MAU2: variants seen among roughly 807,000 people sequenced by gnomAD.
MAU2 encodes MAU2 sister chromatid cohesion factor.
In MAU2, 9 loss-of-function variants were observed where a neutral mutation model predicts 89.1. That is an observed-to-expected ratio of 0.10 (90% CI 0.06 to 0.18). The LOEUF is 0.18. Ranked by LOEUF, MAU2 falls within the 10% of genes least tolerant of loss-of-function variation. The pLI is 1.00. For missense variants in MAU2, 425 were observed against 803.5 expected, an observed-to-expected ratio of 0.53 and a Z score of 5.69; for synonymous variants, 357 against 343.4, an observed-to-expected ratio of 1.04 and a Z score of -0.44.
intron 13 of MAU2, 42 bp from the exon 14 acceptor site, chr19:19,348,847 G>C: frequency 6.2e-7 from 1 of 1,608,546 alleles, no homozygotes; most frequent in Non-Finnish European, 8.5e-7. Context: ...CCTTTCTCCT[G>C]TGAAGATGCA....
At chr19:19,338,331 C>T (rs1446225967) in intron 4 of MAU2, among the ~76,000 whole-genome samples, 1 of 152,260 alleles carries the variant, frequency 6.6e-6, no homozygotes, top group Non-Finnish European at 1.5e-5. Context: ...TTGGCAGGCA[C>T]CATGTGCACG....
rs1383151668 is a variant in MAU2 at position 19,335,705 on chromosome 19, C to G, written c.277-13C>G. On this transcript the variant is annotated splice_polypyrimidine_tract_variant and intron_variant, in intron 1 of 18. Transcript: ENST00000262815. ...TTGCCTGAGAATTAATCGTTGTTTTCTTTCTTTTTCAGTGGTTGATATCAC... is the reference window on the plus strand; with the variant it reads ...TTGCCTGAGAATTAATCGTTGTTTTGTTTCTTTTTCAGTGGTTGATATCAC... 1.2e-6 allele frequency: 2 copies of G among 1,614,154 alleles called. No homozygotes were observed. The highest frequency in any genetic ancestry group is 1.7e-5 in the Admixed American group (1 of 60,012).
chr19:19,328,858 C>G (rs1466278703), intron 1 of MAU2, among the ~76,000 whole-genome samples: 2 of 152,156 alleles, frequency 1.3e-5, no homozygotes, highest in Non-Finnish European at 1.5e-5. Context: ...TTACTATTTT[C>G]TATAATCCAG....
rs2061682670 is a variant in MAU2 at position 19,345,126 on chromosome 19, A to G, written c.1156-178A>G. ...CAGTGAGCATCTTGTCCCACCCCACATTGGCTTGGGTCTGAAAGGTGGGGA... is the reference window on the plus strand; with the variant it reads ...CAGTGAGCATCTTGTCCCACCCCACGTTGGCTTGGGTCTGAAAGGTGGGGA... On this transcript the variant is annotated intron_variant, in intron 11 of 18. Coordinates refer to ENST00000262815, the MANE Select transcript of MAU2 (RefSeq NM_015329.4). This position sits in a 1 kb window ranked among gnomAD's most constrained non-coding sequence, Gnocchi z 4.9. 3 of 719,114 alleles carry G rather than the reference A, an allele frequency of 4.2e-6. No individual in the cohort carries two copies. The highest frequency in any genetic ancestry group is 3.4e-5 in the South Asian group (2 of 59,300). 44.5% of individuals were successfully genotyped at this position (719,114 alleles called of 1,614,324 possible).
At chr19:19,335,899 G>A (rs925860912) in intron 2 of MAU2, among the ~76,000 whole-genome samples, 164 bp downstream of exon 2, 3 of 152,090 alleles carry the variant, frequency 2.0e-5, no homozygotes, top group African/African-American at 4.8e-5. Flanking sequence ...GCCCTTGGGC[G>A]CTGTGCTCCT....
chr19:19,328,410 G>C (rs1599891858), intron 1 of MAU2, among the ~76,000 whole-genome samples: 1 of 149,808 alleles, frequency 6.7e-6, no homozygotes, highest in East Asian at 2.0e-4. Context: ...CTGCATATCC[G>C]TTTCCCCCTT....
At position 19,334,232 on chromosome 19, in the gene MAU2, C is replaced by T. The variant is rs1415227144; in HGVS notation, c.277-1486C>T. 1.3e-5 allele frequency: 13 copies of T among 985,374 alleles called. No homozygotes were observed. The South Asian group carries it at 1.9e-4, about 14-fold the overall frequency. The allele number at this position is 985,374 out of a possible 1,614,324, so 61.0% of individuals were successfully genotyped here. On this transcript the variant is annotated intron_variant, in intron 1 of 18. Transcript: ENST00000262815. ...CACTTCTGACGGCAGGTGCTGGCCC[C>T]GCCACTCTGAGGACCCCGAGCCCCT...
rs1019822192 is a variant in MAU2 at position 19,345,688 on chromosome 19, T to C, written c.1221+319T>C. ...CACCCACCCCCAAGGCTGGATTGGCTCAAGTGTCAGCTGACAACTCAGAGC... is the reference window on the plus strand; with the variant it reads ...CACCCACCCCCAAGGCTGGATTGGCCCAAGTGTCAGCTGACAACTCAGAGC... On this transcript the variant is annotated intron_variant, in intron 12 of 18. Transcript: ENST00000262815. The surrounding 1 kb of genome is among the most constrained non-coding windows in gnomAD (Gnocchi z 4.9). Among the ~76,000 whole-genome samples, 1 of 152,086 alleles carries C rather than the reference T, an allele frequency of 6.6e-6. No homozygotes were observed. Among genetic ancestry groups the C allele is most frequent in the African/African-American group, 2.4e-5 (1 of 41,402 alleles).
At chr19:19,342,717 G>GCGGGGGC (rs752469472) in intron 8 of MAU2, 36 bp downstream of exon 8, 1 of 1,613,248 alleles carries the variant, frequency 6.2e-7, no homozygotes, top group South Asian at 1.1e-5. Flanking sequence ...AGGGCTGGGG[G>GCGGGGGC]CGGGGGCAGG....
chr19:19,345,802 T>G lies in MAU2; in HGVS notation c.1221+433T>G, dbSNP rs1205291102. 1.3e-5 allele frequency among the ~76,000 whole-genome samples: 2 copies of G among 152,150 alleles called. No individual in the cohort carries two copies. The highest frequency in any genetic ancestry group is 1.3e-4 in the Admixed American group (2 of 15,284). ...GACAGAGGAGGACTCTTGGTCCTGC[T>G]GGGCCGGAGAGGGTGAAGCAGCACC... On this transcript the variant is annotated intron_variant, in intron 12 of 18. Coordinates refer to ENST00000262815, the MANE Select transcript of MAU2 (RefSeq NM_015329.4). This position sits in a 1 kb window ranked among gnomAD's most constrained non-coding sequence, Gnocchi z 4.9.
At chr19:19,354,902 C>A (rs559731575) in intron 17 of MAU2, among the ~76,000 whole-genome samples, 1 of 152,260 alleles carries the variant, frequency 6.6e-6, no homozygotes, top group South Asian at 2.1e-4. Flanking sequence ...GGGGAGGTGA[C>A]AGGAGACGGG....
chr19:19,357,537 A>T lies in MAU2; in HGVS notation c.*1755A>T, dbSNP rs2048193633. On this transcript the variant is annotated 3_prime_UTR_variant, in exon 19 of 19. Transcript: ENST00000262815. ...CCGCACTGTCCGACCCCTGCACACC[A>T]CTCATGTCACCACGGCGTGCATCAT... 1 of 152,378 alleles carries T rather than the reference A, an allele frequency of 6.6e-6. No individual in the cohort carries two copies. The highest frequency in any genetic ancestry group is 6.6e-5 in the Admixed American group (1 of 15,176). 9.4% of individuals were successfully genotyped at this position (152,378 alleles called of 1,614,324 possible).
At chr19:19,352,792 A>G (rs2061756134) in intron 16 of MAU2, 1 of 152,138 alleles carries the variant, frequency 6.6e-6, no homozygotes, top group Admixed American at 6.5e-5. Context: ...TCTTTTGGGA[A>G]TCCCCCTCTG....
chr19:19,344,122 CCAG>C (rs2061674748), intron 10 of MAU2, 182 bp downstream of exon 10: 2 of 592,398 alleles, frequency 3.4e-6, no homozygotes, highest in Non-Finnish European at 6.0e-6. Flanking sequence ...CATACAAAAA[CCAG>C]TGGAGGCCGG....
intron 6 of MAU2, 78 bp downstream of exon 6, chr19:19,340,951 C>T: frequency 6.3e-7 from 1 of 1,575,842 alleles, no homozygotes; most frequent in East Asian, 2.2e-5. Flanking sequence ...TCTGCTCAGA[C>T]CCCACCCACT....
At chr19:19,344,765 C>A in intron 10 of MAU2, 84 bp from the exon 11 acceptor site, 2 of 1,126,652 alleles carry the variant, frequency 1.8e-6, no homozygotes, top group Non-Finnish European at 2.6e-6. Context: ...GGCTCACCCA[C>A]CAGCTATGGG....
At position 19,334,340 on chromosome 19, in the gene MAU2, G is replaced by C. The variant is rs372155708; in HGVS notation, c.277-1378G>C. On this transcript the variant is annotated intron_variant, in intron 1 of 18. Coordinates refer to ENST00000262815, the MANE Select transcript of MAU2 (RefSeq NM_015329.4). ...CTGTGGTCTGGGCTCCTGCGTGTGG[G>C]TGCATGTGTGTCAGGGGCTCGGGCT... The C allele has an allele frequency of 2.4e-5, 24 of 985,750 alleles. No homozygotes were observed. In the African/African-American group the frequency reaches 3.7e-4, roughly 15 times the overall value. 61.1% of individuals were successfully genotyped at this position (985,750 alleles called of 1,614,324 possible).
intron 16 of MAU2, 25 bp from the exon 17 acceptor site, chr19:19,354,330 C>T (rs774154124): frequency 2.0e-5 from 32 of 1,597,014 alleles, no homozygotes; most frequent in Non-Finnish European, 2.6e-5. Context: ...GCTCCTCACT[C>T]CCCCTTGCTG....
chr19:19,336,198 A>G lies in MAU2; in HGVS notation c.360+11A>G, dbSNP rs1246459942. On this transcript the variant is annotated intron_variant, in intron 3 of 18. Transcript: ENST00000262815. ...TTGTACTGTCAAGAGGTAAGAACAT[A>G]TTAAGGTTTCTGAAAGCAAAGTGTC... 5 of 1,604,292 alleles carry G rather than the reference A, an allele frequency of 3.1e-6. No individual in the cohort carries two copies. In the African/African-American group the frequency reaches 5.4e-5, roughly 17 times the overall value.
Sources: gnomAD v4.1 joint callset for allele counts (sites outside exome capture counted in the v4.1 genomes callset) on GRCh38, gnomAD v4.1.1 for gene constraint, Gnocchi (gnomAD v3.1) non-coding constraint, MANE v1.5 for transcripts, NCBI Gene and HGNC (gene_info 2026-07-23, HGNC 2026-07-21) for gene names.